FNIP2: variants seen among roughly 807,000 people sequenced by gnomAD.
The protein encoded by FNIP2 is folliculin-interacting protein 2.
Under a neutral mutation model 108.7 loss-of-function variants are expected in FNIP2, and 32 were observed. The ratio of observed to expected loss-of-function variants is 0.29; its 90% CI spans 0.22 to 0.40. The LOEUF is 0.40. FNIP2 is among the 10% of genes least tolerant of loss of function. The probability of loss-of-function intolerance (pLI) is 1.00; values close to 1 mark genes in which losing one functional copy is unlikely to be tolerated. For synonymous variants in FNIP2, 480 were observed against 496.7 expected, an observed-to-expected ratio of 0.97 and a Z score of 0.45; for missense variants, 1,202 against 1,381.6, an observed-to-expected ratio of 0.87 and a Z score of 2.06.
chr4:158,886,716 G>A (rs1782043510), intron 14 of FNIP2, among the ~76,000 whole-genome samples: 1 of 152,124 alleles, frequency 6.6e-6, no homozygotes, highest in Admixed American at 6.5e-5. Flanking sequence ...GCATCCATAA[G>A]GTTTGTAAAG....
chr4:158,851,170 T>C (rs1469471468), intron 7 of FNIP2, 151 bp from the exon 8 acceptor site: 1 of 847,358 alleles, frequency 1.2e-6, no homozygotes, highest in Admixed American at 2.8e-5. Context: ...GTTTTGTCAT[T>C]TTTTTAGTGG....
In FNIP2 at chr4:158,867,965, G is replaced by T. The variant is rs1416720206; in HGVS notation, c.1466-137G>T. 1.1e-5 allele frequency: 14 copies of T among 1,240,732 alleles called. No individual in the cohort carries two copies. In the African/African-American group the frequency reaches 2.0e-4, roughly 17 times the overall value. 76.9% of individuals were successfully genotyped at this position (1,240,732 alleles called of 1,614,324 possible). On this transcript the variant is annotated intron_variant, in intron 12 of 16. Coordinates refer to ENST00000264433, the MANE Select transcript of FNIP2 (RefSeq NM_020840.3). ...AAACTAAAACGTGGTCCTTACTAGA[G>T]AGTAGAAATCATGAGTCTGAAGCAG...
At position 158,868,252 on chromosome 4, in the gene FNIP2, G is replaced by A; in HGVS notation, c.1616G>A (p.Gly539Asp). The A allele has an allele frequency of 6.2e-7, 1 of 1,614,068 alleles. No individual in the cohort carries two copies. Reference sequence around the variant, plus strand: ...CAAGAGAACCAGCTGACCTGGAGTGGCAATCATGGTGAAGGTGACCAAGTT... The same window carrying A: ...CAAGAGAACCAGCTGACCTGGAGTGACAATCATGGTGAAGGTGACCAAGTT... ...ELQENQLTWS[G>D]NHGEGDQVLN... Residue 539 changes from glycine to aspartate, a missense_variant, in exon 13 of 17, where the codon GGC (glycine) becomes GAC (aspartate). Physicochemically the swap from Gly to Asp is moderately conservative, Grantham distance 94. This residue lies in a region of FNIP2 where 878 missense variants were observed against 990.3 expected (regional missense o/e 0.89). Transcript: ENST00000264433. This position sits in a 1 kb window ranked among gnomAD's most constrained non-coding sequence, Gnocchi z 4.6.
At chr4:158,869,454 AG>A in intron 13 of FNIP2, 26 bp downstream of exon 13, 2 of 1,553,762 alleles carry the variant, frequency 1.3e-6, no homozygotes, top group Non-Finnish European at 1.7e-6. Flanking sequence ...TGGGAAGTAG[AG>A]GGAACTGGGT....
chr4:158,872,740 T>G (rs958868719), intron 14 of FNIP2: 29 of 981,840 alleles, frequency 3.0e-5, no homozygotes, highest in South Asian at 9.4e-5. Flanking sequence ...TAGTGTTTTT[T>G]TTTTTTTTTT....
At chr4:158,803,193 A>G (rs879764743) in intron 1 of FNIP2, among the ~76,000 whole-genome samples, 1 of 152,218 alleles carries the variant, frequency 6.6e-6, no homozygotes, top group Non-Finnish European at 1.5e-5. Context: ...GGATAACCCA[A>G]ATTATCTTCT....
chr4:158,893,423 G>GCACTTA (rs1341276570), intron 15 of FNIP2: 39 of 346,520 alleles, frequency 1.1e-4, no homozygotes, highest in Non-Finnish European at 1.6e-4. Context: ...TAAAGCACTT[G>GCACTTA]GAATAGTGTT....
At chr4:158,788,168 G>A (rs2126443752) in intron 1 of FNIP2, among the ~76,000 whole-genome samples, 1 of 152,354 alleles carries the variant, frequency 6.6e-6, no homozygotes, top group Middle Eastern at 3.4e-3. Flanking sequence ...TGAGATTTAA[G>A]TGGGTGGTTC....
chr4:158,905,330 A>G lies in FNIP2; in HGVS notation c.*786A>G, dbSNP rs1355685284. On this transcript the variant is annotated 3_prime_UTR_variant, in exon 17 of 17. Coordinates refer to ENST00000264433, the MANE Select transcript of FNIP2 (RefSeq NM_020840.3). Reference sequence around the variant, plus strand: ...GTCTGAAACCGTATGTTTTATCCTTATATTTTAGAGCTTTCAGCAGCCTTT... The same window carrying G: ...GTCTGAAACCGTATGTTTTATCCTTGTATTTTAGAGCTTTCAGCAGCCTTT... The G allele has an allele frequency of 3.9e-5, 6 of 152,210 alleles. No homozygotes were observed. In the South Asian group the frequency reaches 1.0e-3, roughly 26 times the overall value. The allele number at this position is 152,210 out of a possible 1,614,324, so 9.4% of individuals were successfully genotyped here.
chr4:158,869,243 T>C lies in FNIP2; in HGVS notation c.2607T>C (p.Asn869=). The C allele has an allele frequency of 6.2e-7, 1 of 1,614,024 alleles. No homozygotes were observed. The highest frequency in any genetic ancestry group is 1.1e-5 in the South Asian group (1 of 91,084). The change falls in exon 13 of 17, where the codon AAT becomes AAC. Residue 869 remains asparagine, a synonymous_variant. Transcript: ENST00000264433. ...GCCCTGGCCTCGTGGCTGGTGCGAA[T>C]ATCCCCTGTGGGGATGACAACAAGA... ...QRGPGLVAGA[N]IPCGDDNKKA...
intron 1 of FNIP2, among the ~76,000 whole-genome samples, chr4:158,787,840 G>C (rs934646404): frequency 6.6e-6 from 1 of 152,054 alleles, no homozygotes; most frequent in Non-Finnish European, 1.5e-5. Context: ...ATTTCTCTTT[G>C]CTCTTCCCCT....
intron 14 of FNIP2, among the ~76,000 whole-genome samples, chr4:158,882,348 G>A (rs930345834): frequency 1.1e-4 from 17 of 150,758 alleles, no homozygotes; most frequent in Non-Finnish European, 2.5e-4. Context: ...GGCAGCCCCC[G>A]TCCGGCCAGC....
At chr4:158,828,526 G>C (rs1348844074) in intron 2 of FNIP2, among the ~76,000 whole-genome samples, 1 of 152,190 alleles carries the variant, frequency 6.6e-6, no homozygotes, top group African/African-American at 2.4e-5. Context: ...TGAGACAGGA[G>C]AATTGCTTGA....
At chr4:158,823,869 A>G (rs1778016844) in intron 1 of FNIP2, among the ~76,000 whole-genome samples, 1 of 151,958 alleles carries the variant, frequency 6.6e-6, no homozygotes, top group South Asian at 2.1e-4. Flanking sequence ...TGAAACATGG[A>G]CTCCCTCTGG....
chr4:158,834,641 G>A (rs1778697570), intron 6 of FNIP2: 1 of 152,166 alleles, frequency 6.6e-6, no homozygotes, highest in African/African-American at 2.4e-5. Flanking sequence ...TAGCTGTCAA[G>A]TATAATAATC....
At chr4:158,872,145 A>G (rs1438639762) in intron 14 of FNIP2, 4 of 985,422 alleles carry the variant, frequency 4.1e-6, no homozygotes, top group East Asian at 1.1e-4. Flanking sequence ...GATTGTCCTC[A>G]GTGACATCAG....
chr4:158,856,864 A>G (rs1276467278), intron 8 of FNIP2, among the ~76,000 whole-genome samples: 2 of 152,204 alleles, frequency 1.3e-5, no homozygotes, highest in African/African-American at 4.8e-5. Context: ...AAACATTCTT[A>G]AACATCATTT....
At chr4:158,775,868 T>C (rs1211063868) in intron 1 of FNIP2, among the ~76,000 whole-genome samples, 1 of 152,220 alleles carries the variant, frequency 6.6e-6, no homozygotes, top group Non-Finnish European at 1.5e-5. Flanking sequence ...GATTATCATA[T>C]TTCTGTCTCC....
At position 158,818,048 on chromosome 4, in the gene FNIP2, T is replaced by C. The variant is rs80189869; in HGVS notation, c.108-7868T>C. ...GTGCCACACACAAACTTCATCTGTT[T>C]TAGAGTTTCACTTGATGTGATCCTG... On this transcript the variant is annotated intron_variant, in intron 1 of 16. Transcript: ENST00000264433. Among the ~76,000 whole-genome samples the C allele has an allele frequency of 7.1e-3, 1,078 of 152,340 alleles. 10 individuals carry two copies. Among genetic ancestry groups the C allele is most frequent in the African/African-American group, 0.024 (994 of 41,588 alleles).
Sources: gnomAD v4.1 joint callset for allele counts (sites outside exome capture counted in the v4.1 genomes callset) on GRCh38, gnomAD v4.1.1 for gene constraint, gnomAD v4.1.1 regional missense constraint, Gnocchi (gnomAD v3.1) non-coding constraint, MANE v1.5 for transcripts, NCBI Gene and HGNC (gene_info 2026-07-23, HGNC 2026-07-21) for gene names.